The following ROBO2 variants were observed in gnomAD, a reference collection of about 807,000 sequenced individuals.
ROBO2 encodes roundabout guidance receptor 2.
ROBO2 carries 53 observed loss-of-function variants against 160.8 expected under a neutral mutation model. That is an observed-to-expected ratio of 0.33 (90% CI 0.26 to 0.41). The LOEUF (loss-of-function observed/expected upper bound fraction) is 0.41, where lower values mean the gene tolerates loss of function less well. ROBO2 is among the 10% of genes least tolerant of loss of function. ROBO2 has a pLI of 1.00. For missense variants in ROBO2, 1,577 were observed against 1,722.4 expected, an observed-to-expected ratio of 0.92 and a Z score of 1.49; for synonymous variants, 664 against 611.7, an observed-to-expected ratio of 1.09 and a Z score of -1.26.
chr3:76,378,433 A>G (rs953057948), intron 2 of ROBO2, among the ~76,000 whole-genome samples: 14 of 152,194 alleles, frequency 9.2e-5, no homozygotes, highest in African/African-American at 2.4e-5. Flanking sequence ...TAAAAGTTCA[A>G]GTATCATCCA....
intron 2 of ROBO2, among the ~76,000 whole-genome samples, chr3:77,305,556 T>C (rs2153416937): frequency 6.6e-6 from 1 of 152,340 alleles, no homozygotes; most frequent in Non-Finnish European, 1.5e-5. Context: ...TCTGAGACTC[T>C]GAAGCATTAA....
chr3:76,499,932 C>T (rs1685703635), intron 2 of ROBO2, among the ~76,000 whole-genome samples: 1 of 151,832 alleles, frequency 6.6e-6, no homozygotes, highest in South Asian at 2.1e-4. Context: ...AATTACTAGA[C>T]CTTATCAAAG....
intron 2 of ROBO2, among the ~76,000 whole-genome samples, chr3:76,992,397 A>G (rs1037978966): frequency 6.8e-6 from 1 of 147,800 alleles, no homozygotes; most frequent in Non-Finnish European, 1.5e-5. Context: ...AAAAAAGTAT[A>G]TGCATATTTA....
At chr3:76,659,422 T>C (rs1214761856) in intron 2 of ROBO2, among the ~76,000 whole-genome samples, 1 of 151,050 alleles carries the variant, frequency 6.6e-6, no homozygotes, top group Non-Finnish European at 1.5e-5. Flanking sequence ...CATACTCCAT[T>C]ACAGAGCTCC....
intron 2 of ROBO2, among the ~76,000 whole-genome samples, chr3:76,689,135 G>A (rs554697772): frequency 8.5e-5 from 13 of 152,094 alleles, no homozygotes; most frequent in African/African-American, 2.6e-4. Context: ...TAATTATACA[G>A]CTTTGAATTG....
At chr3:76,666,870 C>G (rs994701107) in intron 2 of ROBO2, among the ~76,000 whole-genome samples, 7 of 151,910 alleles carry the variant, frequency 4.6e-5, no homozygotes, top group Non-Finnish European at 7.4e-5. Flanking sequence ...ATTTAGAAAA[C>G]AGTTATCCTC....
chr3:76,101,103 A>C (rs1040701379), intron 2 of ROBO2, among the ~76,000 whole-genome samples: 18 of 152,318 alleles, frequency 1.2e-4, no homozygotes, highest in African/African-American at 4.3e-4. Flanking sequence ...AACGTGTAAC[A>C]GGGAAACAGG....
chr3:75,925,278 G>A (rs1947244916), intron 1 of ROBO2, among the ~76,000 whole-genome samples: 1 of 151,546 alleles, frequency 6.6e-6, no homozygotes, highest in African/African-American at 2.4e-5. Context: ...CTGTCGTCCT[G>A]GCTACTCCGG....
chr3:76,906,965 A>C (rs956946717), intron 2 of ROBO2, among the ~76,000 whole-genome samples: 3 of 152,212 alleles, frequency 2.0e-5, no homozygotes, highest in Admixed American at 1.3e-4. Flanking sequence ...TACACGCCTA[A>C]GGGAGAAAGC....
intron 21 of ROBO2, among the ~76,000 whole-genome samples, chr3:77,608,730 T>C (rs922408982): frequency 6.6e-6 from 1 of 152,170 alleles, no homozygotes; most frequent in Non-Finnish European, 1.5e-5. Context: ...GTCTTCCTTA[T>C]AATTCCCAGG....
At chr3:76,673,425 A>G (rs2092322590) in intron 2 of ROBO2, among the ~76,000 whole-genome samples, 1 of 152,158 alleles carries the variant, frequency 6.6e-6, no homozygotes, top group Non-Finnish European at 1.5e-5. Context: ...GCAATACACG[A>G]ACAAGTCCAT....
At chr3:76,395,293 A>G (rs2077373054) in intron 2 of ROBO2, among the ~76,000 whole-genome samples, 1 of 150,356 alleles carries the variant, frequency 6.7e-6, no homozygotes, top group Admixed American at 6.7e-5. Context: ...ACAAAGACAC[A>G]ACATACCAGA....
rs927210694 is a variant in ROBO2, at chr3:76,440,250, A to AT, written c.109+502658dup. ...TTAGTAAAAGTACTTTTTTTATTTT[A>AT]TTTTTTTTTTATTATTATACATTAA... is the stretch of plus-strand genomic sequence containing the variant. On this transcript the variant is annotated intron_variant, in intron 2 of 26. Coordinates refer to the ROBO2 transcript ENST00000487694. Among the ~76,000 whole-genome samples the AT allele has an allele frequency of 5.9e-4, 89 of 149,644 alleles. No individual in the cohort carries two copies. In the East Asian group the frequency reaches 6.3e-3, roughly 11 times the overall value.
chr3:76,224,106 C>T (rs572040560), intron 2 of ROBO2, among the ~76,000 whole-genome samples: 86 of 152,274 alleles, frequency 5.6e-4, no homozygotes, highest in African/African-American at 2.0e-3. Flanking sequence ...TCTCTTATTA[C>T]ATATCTACAT....
chr3:77,147,970 G>A (rs1374189098), intron 2 of ROBO2, among the ~76,000 whole-genome samples: 3 of 152,176 alleles, frequency 2.0e-5, no homozygotes, highest in Non-Finnish European at 2.9e-5. Context: ...TACCCCATGC[G>A]GTTTGAGCAA....
At chr3:76,430,852 T>C (rs964819252) in intron 2 of ROBO2, among the ~76,000 whole-genome samples, 1 of 152,066 alleles carries the variant, frequency 6.6e-6, no homozygotes, top group African/African-American at 2.4e-5. Context: ...TGAAAAATAA[T>C]GCTTAAAAAG....
At chr3:76,676,136 C>A (rs1357845876) in intron 2 of ROBO2, among the ~76,000 whole-genome samples, 6 of 151,922 alleles carry the variant, frequency 3.9e-5, no homozygotes, top group Non-Finnish European at 8.8e-5. Flanking sequence ...TGGCCATGTC[C>A]CCACCCAAAA....
intron 2 of ROBO2, among the ~76,000 whole-genome samples, chr3:76,082,503 G>A (rs2068869010): frequency 6.6e-6 from 1 of 151,992 alleles, no homozygotes; most frequent in Admixed American, 6.6e-5. Flanking sequence ...ACTCTTATCT[G>A]TATACAAAAT....
At chr3:76,731,548 C>T (rs2093637965) in intron 2 of ROBO2, among the ~76,000 whole-genome samples, 1 of 152,148 alleles carries the variant, frequency 6.6e-6, no homozygotes, top group Non-Finnish European at 1.5e-5. Flanking sequence ...AATACTACTC[C>T]TTTCTGTTGC....
Sources: allele counts gnomAD v4.1 joint callset (sites outside exome capture counted in the v4.1 genomes callset), GRCh38; gene constraint gnomAD v4.1.1; transcripts MANE v1.5; gene names NCBI Gene and HGNC (gene_info 2026-07-23, HGNC 2026-07-21).